Variants in DLG2 observed in about 807,000 individuals in gnomAD.
The protein encoded by DLG2 is discs large MAGUK scaffold protein 2.
DLG2 carries 45 observed loss-of-function variants against 132.5 expected under a neutral mutation model. The observed-to-expected ratio is 0.34, with a 90% CI of 0.27 to 0.44. The LOEUF is 0.44. Ranked by LOEUF, DLG2 falls within the 20% of genes least tolerant of loss-of-function variation. The pLI is 1.00. For missense variants in DLG2, 1,045 were observed against 1,196.9 expected (o/e 0.87, Z 1.87); for synonymous variants, 424 against 419.6 (o/e 1.01, Z -0.13).
intron 6 of DLG2, among the ~76,000 whole-genome samples, chr11:84,712,889 C>G (rs975509889): frequency 9.9e-5 from 15 of 152,070 alleles, no homozygotes. Flanking sequence ...ACATTGAGTT[C>G]GAAACTAGAA....
chr11:85,197,429 G>T (rs778502821), intron 4 of DLG2, among the ~76,000 whole-genome samples: 25 of 152,062 alleles, frequency 1.6e-4, no homozygotes, highest in Admixed American at 3.9e-4. Flanking sequence ...TTGACCATGG[G>T]CTTCTAGACT....
At chr11:83,849,273 C>CATATTAATAAATAAAT (rs58868309) in intron 16 of DLG2, among the ~76,000 whole-genome samples, 11,981 of 148,826 alleles carry the variant, frequency 0.081, 1,511 homozygotes, top group African/African-American at 0.27. Flanking sequence ...ATTCCTGGAC[C>CATATTAATAAATAAAT]ATATTAATAA....
At chr11:84,886,706 C>T (rs4529903) in intron 6 of DLG2, among the ~76,000 whole-genome samples, 64,603 of 151,996 alleles carry the variant, frequency 0.43, 14,169 homozygotes, top group Middle Eastern at 0.45. Context: ...CCAATAATAA[C>T]ATAGACAGGT....
At chr11:83,481,443 G>GTGAC (rs1201759407) in intron 22 of DLG2, among the ~76,000 whole-genome samples, 3 of 151,980 alleles carry the variant, frequency 2.0e-5, no homozygotes, top group Non-Finnish European at 4.4e-5. Context: ...TTTTTAAAAA[G>GTGAC]TGACAATAGT....
chr11:84,661,064 T>C (rs1475963874), intron 6 of DLG2, among the ~76,000 whole-genome samples: 1 of 152,190 alleles, frequency 6.6e-6, no homozygotes, highest in Non-Finnish European at 1.5e-5. Context: ...TCTACAGATA[T>C]AAAATAAAAT....
chr11:84,539,707 G>A (rs1029368311), intron 6 of DLG2, among the ~76,000 whole-genome samples: 10 of 152,094 alleles, frequency 6.6e-5, no homozygotes, highest in South Asian at 2.1e-4. Flanking sequence ...TGGAAGGTAC[G>A]TTAAAGTTCA....
intron 7 of DLG2, among the ~76,000 whole-genome samples, chr11:84,261,796 T>C (rs567461822): frequency 3.3e-5 from 5 of 152,294 alleles, no homozygotes; most frequent in Admixed American, 1.3e-4. Context: ...TTTAGACCTA[T>C]TGGACTAGAG....
intron 19 of DLG2, among the ~76,000 whole-genome samples, chr11:83,555,827 C>A (rs2096504132): frequency 1.3e-5 from 2 of 152,162 alleles, no homozygotes; most frequent in Admixed American, 1.3e-4. Context: ...AGAAAATCTT[C>A]TCTTCTTTTA....
intron 13 of DLG2, among the ~76,000 whole-genome samples, chr11:83,964,671 A>G (rs1006753812): frequency 1.3e-5 from 2 of 152,014 alleles, no homozygotes; most frequent in Non-Finnish European, 2.9e-5. Context: ...GTGTTGACCT[A>G]TTAAGAAGAG....
At chr11:83,583,060 G>T (rs1360087058) in intron 19 of DLG2, among the ~76,000 whole-genome samples, 1 of 152,162 alleles carries the variant, frequency 6.6e-6, no homozygotes, top group Non-Finnish European at 1.5e-5. Context: ...TCACCCCAAT[G>T]CTATTGGATC....
intron 4 of DLG2, among the ~76,000 whole-genome samples, chr11:85,228,480 C>G (rs1469981177): frequency 6.6e-6 from 1 of 152,082 alleles, no homozygotes; most frequent in Non-Finnish European, 1.5e-5. Context: ...CATTTAAGCT[C>G]AGATTTAATC....
intron 6 of DLG2, among the ~76,000 whole-genome samples, chr11:84,818,373 AT>A (rs1256253459): frequency 2.6e-5 from 4 of 151,996 alleles, no homozygotes; most frequent in African/African-American, 9.7e-5. Flanking sequence ...TTTTTAAGAA[AT>A]AAAAACCCTC....
chr11:84,837,643 G>A (rs2080000431), intron 6 of DLG2, among the ~76,000 whole-genome samples: 1 of 151,784 alleles, frequency 6.6e-6, no homozygotes, highest in Non-Finnish European at 1.5e-5. Context: ...AATATGCTGA[G>A]TAAAGAAGGA....
At chr11:85,092,722 A>G (rs1054049742) in intron 6 of DLG2, among the ~76,000 whole-genome samples, 2 of 150,122 alleles carry the variant, frequency 1.3e-5, no homozygotes, top group African/African-American at 4.9e-5. Context: ...GGCTCACTAC[A>G]GCCTCTGCCT....
At chr11:84,545,493 C>G (rs2099387811) in intron 6 of DLG2, 2 of 405,038 alleles carry the variant, frequency 4.9e-6, no homozygotes, top group Non-Finnish European at 9.6e-6. Flanking sequence ...GCATCCAGAA[C>G]TACTTTGGCT....
chr11:84,823,205 C>G (rs986585429), intron 6 of DLG2, among the ~76,000 whole-genome samples: 7 of 151,704 alleles, frequency 4.6e-5, no homozygotes, highest in Non-Finnish European at 8.8e-5. Context: ...ATCTGATATG[C>G]AAATTTTCAC....
chr11:84,738,740 A>G (rs1247844694), intron 6 of DLG2, among the ~76,000 whole-genome samples: 1 of 152,134 alleles, frequency 6.6e-6, no homozygotes, highest in Non-Finnish European at 1.5e-5. Context: ...AAATTTAAAC[A>G]TAAATGTATT....
At chr11:84,913,721 A>G (rs948685663) in intron 6 of DLG2, among the ~76,000 whole-genome samples, 1 of 152,166 alleles carries the variant, frequency 6.6e-6, no homozygotes, top group African/African-American at 2.4e-5. Context: ...AGAAGTATAC[A>G]TTTTTGTCAT....
intron 3 of DLG2, among the ~76,000 whole-genome samples, chr11:85,596,962 C>T (rs1434783417): frequency 1.3e-5 from 2 of 152,216 alleles, no homozygotes; most frequent in Non-Finnish European, 2.9e-5. Context: ...TGACTTTTAA[C>T]GACCAGCTGA....
Sources: gnomAD v4.1 joint callset for allele counts (sites outside exome capture counted in the v4.1 genomes callset) on GRCh38, gnomAD v4.1.1 for gene constraint, MANE v1.5 for transcripts, NCBI Gene and HGNC (gene_info 2026-07-23, HGNC 2026-07-21) for gene names.